The following ADCY5 variants were observed in gnomAD, a reference collection of about 807,000 sequenced individuals.
ADCY5 encodes the protein adenylate cyclase 5.
Under a neutral mutation model 119.7 loss-of-function variants are expected in ADCY5, and 30 were observed. The ratio of observed to expected loss-of-function variants is 0.25; its 90% CI spans 0.19 to 0.34. The LOEUF is 0.34. ADCY5 is among the 10% of genes least tolerant of loss of function. The probability of loss-of-function intolerance (pLI) is 1.00; values close to 1 mark genes in which losing one functional copy is unlikely to be tolerated. For synonymous variants in ADCY5, 753 were observed against 762.2 expected (o/e 0.99, Z 0.20); for missense variants, 1,324 against 1,775.2 (o/e 0.75, Z 4.57).
chr3:123,310,253 C>G (rs1940486888), intron 12 of ADCY5, among the ~76,000 whole-genome samples: 1 of 151,946 alleles, frequency 6.6e-6, no homozygotes, highest in African/African-American at 2.4e-5. Context: ...GCTGAGGCAC[C>G]TAGATCAGGC....
chr3:123,330,811 C>A (rs565878428), intron 5 of ADCY5, 78 bp downstream of exon 5: 48 of 1,480,084 alleles, frequency 3.2e-5, no homozygotes, highest in Non-Finnish European at 4.2e-5. Flanking sequence ...TCCAACTAGG[C>A]AGCCGGCAGG....
chr3:123,411,922 C>G (rs1164225996), intron 1 of ADCY5, among the ~76,000 whole-genome samples: 1 of 152,188 alleles, frequency 6.6e-6, no homozygotes, highest in Admixed American at 6.5e-5. Flanking sequence ...TGTCCATCCC[C>G]GCAGCCTGTG....
rs1316376610 is a variant in ADCY5, at chr3:123,347,961, C to G, written c.1285-58G>C. The G allele has an allele frequency of 4.4e-6, 7 of 1,607,174 alleles. No homozygotes were observed. In the East Asian group the frequency reaches 1.3e-4, roughly 31 times the overall value. On this transcript the variant is annotated intron_variant, in intron 2 of 20. Transcript: ENST00000462833. Reference sequence around the variant, plus strand: ...GCCTTCTACCTGCCTGGCAAGTGCTCGCTCCTCCACACCTGTGCCCCTGCC... The same window carrying G: ...GCCTTCTACCTGCCTGGCAAGTGCTGGCTCCTCCACACCTGTGCCCCTGCC...
intron 17 of ADCY5, among the ~76,000 whole-genome samples, chr3:123,295,152 C>T (rs932613114): frequency 5.9e-5 from 9 of 152,222 alleles, no homozygotes; most frequent in African/African-American, 2.2e-4. Flanking sequence ...CCATTTGCCC[C>T]CATCCTCACT....
In ADCY5 at chr3:123,439,577, A is replaced by G. The variant is rs536082622; in HGVS notation, c.1134+7835T>C. Among the ~76,000 whole-genome samples, 14 of 152,330 alleles carry G rather than the reference A, an allele frequency of 9.2e-5. 1 individual carries two copies. In the South Asian group the frequency reaches 2.9e-3, roughly 32 times the overall value. On this transcript the variant is annotated intron_variant, in intron 1 of 20. Coordinates refer to ENST00000462833, the MANE Select transcript of ADCY5 (RefSeq NM_183357.3). ...AACTTTATCACAAGTATAGATATAC[A>G]GGAAAAAAACATAATGTTATATAGG...
chr3:123,367,849 A>C (rs1334516352), intron 1 of ADCY5: 9 of 1,522,332 alleles, frequency 5.9e-6, no homozygotes, highest in African/African-American at 2.8e-5. Context: ...CAGAATCCAG[A>C]AGAAAAAAAA....
At chr3:123,411,413 T>C (rs1945043415) in intron 1 of ADCY5, among the ~76,000 whole-genome samples, 1 of 152,138 alleles carries the variant, frequency 6.6e-6, no homozygotes, top group African/African-American at 2.4e-5. Context: ...AGGAGTTAGA[T>C]CACCGGGCTG....
chr3:123,321,264 T>C (rs1229388860), intron 8 of ADCY5, among the ~76,000 whole-genome samples: 1 of 152,050 alleles, frequency 6.6e-6, no homozygotes, highest in Non-Finnish European at 1.5e-5. Context: ...ATTTTGCACT[T>C]AAAAAAACTA....
At chr3:123,390,811 C>A (rs2107584867) in intron 1 of ADCY5, among the ~76,000 whole-genome samples, 1 of 152,342 alleles carries the variant, frequency 6.6e-6, no homozygotes, top group African/African-American at 2.4e-5. Flanking sequence ...CCACTCAGGA[C>A]AGCAGGCTGA....
At chr3:123,419,036 G>A (rs1259436501) in intron 1 of ADCY5, 7 of 606,862 alleles carry the variant, frequency 1.2e-5, no homozygotes, top group African/African-American at 2.0e-5. Context: ...AACAGCTCAT[G>A]GGTCTTCTCA....
At chr3:123,421,931 C>T (rs1037536848) in intron 1 of ADCY5, among the ~76,000 whole-genome samples, 6 of 152,174 alleles carry the variant, frequency 3.9e-5, no homozygotes, top group African/African-American at 1.2e-4. Flanking sequence ...CTGGAGCCAG[C>T]CCCTCAACTC....
intron 9 of ADCY5, 114 bp downstream of exon 9, chr3:123,320,635 A>T: frequency 7.0e-7 from 1 of 1,421,534 alleles, no homozygotes; most frequent in Non-Finnish European, 9.9e-7. Context: ...ACTCTCAGCT[A>T]AGACTGCAAG....
rs1474875603 is a variant in ADCY5 at position 123,448,273 on chromosome 3, C to T, written c.273G>A (p.Gly91=). The change falls in exon 1 of 21, where the codon GGG becomes GGA. Residue 91 remains glycine (G), a synonymous_variant. Coordinates refer to ENST00000462833, the MANE Select transcript of ADCY5 (RefSeq NM_183357.3). ...PPLSGDDPLA[G]GFGFSFRSKS... is the part of the protein sequence containing the mutation. ...TGGAGCGGAAGCTGAAGCCGAAGCCCCCGGCCAGGGGGTCGTCACCGCTCA... is the reference window on the plus strand; with the variant it reads ...TGGAGCGGAAGCTGAAGCCGAAGCCTCCGGCCAGGGGGTCGTCACCGCTCA... 2 of 1,518,648 alleles carry T rather than the reference C, an allele frequency of 1.3e-6. No homozygotes were observed. Among genetic ancestry groups the T allele is most frequent in the Middle Eastern group, 2.0e-4 (1 of 4,968 alleles). 94.1% of individuals were successfully genotyped at this position (1,518,648 alleles called of 1,614,324 possible).
intron 1 of ADCY5, among the ~76,000 whole-genome samples, chr3:123,355,637 C>T (rs556457718): frequency 3.8e-5 from 5 of 130,696 alleles, no homozygotes; most frequent in Non-Finnish European, 8.8e-5. Flanking sequence ...CAGTAGAAAT[C>T]TAAAAAAAAA....
At chr3:123,314,686 C>T (rs1320226902) in intron 11 of ADCY5, among the ~76,000 whole-genome samples, 1 of 152,222 alleles carries the variant, frequency 6.6e-6, no homozygotes. Flanking sequence ...TGATGTGCTT[C>T]ATTTAGCTTG....
At chr3:123,308,028 CTTTTTTTTTTTTTT>C (rs1178147327) in intron 12 of ADCY5, among the ~76,000 whole-genome samples, 2 of 85,658 alleles carry the variant, frequency 2.3e-5, no homozygotes, top group South Asian at 9.5e-4. Flanking sequence ...TTTTCATGCT[CTTTTTTTTTTTTTT>C]TTTTTTTTTG....
intron 1 of ADCY5, among the ~76,000 whole-genome samples, chr3:123,371,915 G>C (rs1003196775): frequency 3.3e-5 from 5 of 152,212 alleles, no homozygotes; most frequent in African/African-American, 1.2e-4. Context: ...GGGAGTGAGG[G>C]GATTTGAAGA....
intron 1 of ADCY5, among the ~76,000 whole-genome samples, chr3:123,401,241 C>G (rs1944743423): frequency 6.6e-6 from 1 of 152,134 alleles, no homozygotes; most frequent in African/African-American, 2.4e-5. Context: ...ACGCATGGCT[C>G]TAACATGTCC....
intron 16 of ADCY5, chr3:123,296,857 T>C: frequency 1.4e-6 from 1 of 716,220 alleles, no homozygotes; most frequent in Non-Finnish European, 2.2e-6. Context: ...AAATCCTACG[T>C]CTTGTGCCTG....
Sources: allele counts gnomAD v4.1 joint callset (sites outside exome capture counted in the v4.1 genomes callset), GRCh38; gene constraint gnomAD v4.1.1; transcripts MANE v1.5; gene names NCBI Gene and HGNC (gene_info 2026-07-23, HGNC 2026-07-21).